The following CD86 variants were observed in gnomAD, a reference collection of about 807,000 sequenced individuals.
CD86 encodes the protein T-lymphocyte activation antigen CD86.
In CD86, 11 loss-of-function variants were observed where a neutral mutation model predicts 32.1. The observed-to-expected ratio is 0.34, with a 90% CI of 0.22 to 0.57. The LOEUF (loss-of-function observed/expected upper bound fraction) is 0.57, where lower values mean the gene tolerates loss of function less well. Ranked by LOEUF, CD86 falls within the 20% of genes least tolerant of loss-of-function variation. The pLI is 0.86. For synonymous variants in CD86, 137 were observed against 135.3 expected (o/e 1.01, Z -0.09); for missense variants, 359 against 398.4 (o/e 0.90, Z 0.84).
chr3:122,076,984 T>G (rs1193376926), intron 1 of CD86, among the ~76,000 whole-genome samples: 1 of 152,144 alleles, frequency 6.6e-6, no homozygotes, highest in Non-Finnish European at 1.5e-5. Context: ...TGGATGAGCC[T>G]CCCCAACCCT....
At chr3:122,094,912 A>C (rs1436802186) in intron 2 of CD86, among the ~76,000 whole-genome samples, 1 of 152,232 alleles carries the variant, frequency 6.6e-6, no homozygotes, top group Non-Finnish European at 1.5e-5. Flanking sequence ...CCACCTGCAG[A>C]GGCACTTCTA....
chr3:122,087,013 T>G (rs958402519), intron 1 of CD86, among the ~76,000 whole-genome samples: 1 of 152,198 alleles, frequency 6.6e-6, no homozygotes, highest in African/African-American at 2.4e-5. Flanking sequence ...TCTCTGAGAC[T>G]CCATTCCTTC....
intron 1 of CD86, chr3:122,077,748 A>G (rs2072574060): frequency 1.0e-6 from 1 of 985,042 alleles, no homozygotes; most frequent in Non-Finnish European, 1.2e-6. Flanking sequence ...GTACGTTTGT[A>G]GTCATTCTCA....
intron 1 of CD86, among the ~76,000 whole-genome samples, chr3:122,073,679 T>C (rs1009772671): frequency 1.3e-4 from 20 of 152,138 alleles, no homozygotes; most frequent in African/African-American, 4.6e-4. Flanking sequence ...TCCTCCTTTA[T>C]TGGCAATTGT....
At chr3:122,104,122 T>C (rs1254640222) in intron 3 of CD86, among the ~76,000 whole-genome samples, 2 of 152,168 alleles carry the variant, frequency 1.3e-5, no homozygotes, top group Non-Finnish European at 2.9e-5. Context: ...TGAACAAAGA[T>C]AATATGGCTA....
At chr3:122,064,137 A>C (rs969048366) in intron 1 of CD86, among the ~76,000 whole-genome samples, 3 of 152,106 alleles carry the variant, frequency 2.0e-5, no homozygotes, top group Non-Finnish European at 4.4e-5. Flanking sequence ...ATGCCTCTGC[A>C]CCATCCAGAC....
intron 1 of CD86, among the ~76,000 whole-genome samples, chr3:122,069,145 G>A (rs1181933368): frequency 6.6e-6 from 1 of 152,086 alleles, no homozygotes; most frequent in Non-Finnish European, 1.5e-5. Context: ...TTAAATCAGT[G>A]TAGGTCTCCT....
At chr3:122,056,308 T>G (rs951020314) in intron 1 of CD86, among the ~76,000 whole-genome samples, 2 of 152,202 alleles carry the variant, frequency 1.3e-5, no homozygotes, top group African/African-American at 2.4e-5. Context: ...TGGTGGCAGC[T>G]GGCGCCAGTC....
At chr3:122,074,213 C>T (rs1335016805) in intron 1 of CD86, among the ~76,000 whole-genome samples, 1 of 152,206 alleles carries the variant, frequency 6.6e-6, no homozygotes, top group East Asian at 1.9e-4. Flanking sequence ...TTGCTACCCC[C>T]TCGGGAGCAC....
Position 122,055,469 on chromosome 3 carries a change from GT to G in CD86, c.-20del. On this transcript the variant is annotated 5_prime_UTR_variant, in exon 1 of 7. Transcript: ENST00000330540. The stretch of plus-strand genomic sequence containing the variant: ...GAGTGGGGTCATTTCCAGATATTAG[GT>G]CACAGCAGAAGCAGCCAAAATGGAT... 1 of 1,613,352 alleles carries G rather than the reference GT, an allele frequency of 6.2e-7. No homozygotes were observed. Among genetic ancestry groups the G allele is most frequent in the Non-Finnish European group, 8.5e-7 (1 of 1,179,256 alleles).
At chr3:122,075,091 CAT>C (rs1462186442) in intron 1 of CD86, among the ~76,000 whole-genome samples, 2 of 150,110 alleles carry the variant, frequency 1.3e-5, no homozygotes, top group Non-Finnish European at 3.0e-5. Context: ...TATGACTTGA[CAT>C]GTGAAAAAAA....
intron 4 of CD86, among the ~76,000 whole-genome samples, chr3:122,107,302 C>T (rs1332828921): frequency 6.6e-6 from 1 of 152,150 alleles, no homozygotes; most frequent in Non-Finnish European, 1.5e-5. Context: ...AAATTTGAGA[C>T]AGTATCTGGG....
intron 5 of CD86, 92 bp downstream of exon 5, chr3:122,109,500 G>A (rs1379136406): frequency 1.4e-6 from 2 of 1,450,664 alleles, no homozygotes; most frequent in Non-Finnish European, 1.9e-6. Flanking sequence ...GCTGAGCCTA[G>A]ACTGGCAAAA....
intron 1 of CD86, among the ~76,000 whole-genome samples, chr3:122,081,703 T>C (rs1463749899): frequency 2.6e-5 from 4 of 152,220 alleles, no homozygotes; most frequent in Non-Finnish European, 5.9e-5. Context: ...TGGACTTAAT[T>C]ACTTAAAACC....
At chr3:122,099,388 G>T (rs1015367762) in intron 2 of CD86, among the ~76,000 whole-genome samples, 12 of 152,176 alleles carry the variant, frequency 7.9e-5, no homozygotes, top group African/African-American at 2.9e-4. Flanking sequence ...ACTCTTTCAG[G>T]GAGTTTGACT....
chr3:122,080,680 C>G (rs530658480), intron 1 of CD86, among the ~76,000 whole-genome samples: 1 of 152,106 alleles, frequency 6.6e-6, no homozygotes, highest in Admixed American at 6.5e-5. Flanking sequence ...AACAAGCATT[C>G]GGTCAGAAAA....
chr3:122,111,369 T>C (rs1035555045), intron 5 of CD86, among the ~76,000 whole-genome samples: 2 of 152,210 alleles, frequency 1.3e-5, no homozygotes, highest in African/African-American at 4.8e-5. Flanking sequence ...GACGTCCACC[T>C]CCTATACTCC....
chr3:122,102,382 G>A lies in CD86; in HGVS notation c.65-1130G>A, dbSNP rs533565844. 3.5e-4 allele frequency among the ~76,000 whole-genome samples: 44 copies of A among 126,842 alleles called. 1 individual carries two copies. Among genetic ancestry groups the A allele is most frequent in the Middle Eastern group, 9.3e-3 (2 of 214 alleles). 83.2% of individuals were successfully genotyped at this position (126,842 alleles called of 152,430 possible). A position where few individuals can be genotyped will look rare whatever the true frequency, so the allele number is the denominator to read the frequency against. On this transcript the variant is annotated intron_variant, in intron 2 of 6. Coordinates refer to ENST00000330540, the MANE Select transcript of CD86 (RefSeq NM_175862.5). ...AACAGCCTTCCCACTCTCCACCCCC[G>A]CACTTCTCACCCACCACTGCTTACT...
At position 122,119,785 on chromosome 3, in the gene CD86, T is replaced by C. The variant is rs554384650; in HGVS notation, c.*251T>C. Reference sequence around the variant, plus strand: ...CACTTATGGGCCAAGCCCAGCTTAATGGCTCATGACCTGGAAATAAAATTT... The same window carrying C: ...CACTTATGGGCCAAGCCCAGCTTAACGGCTCATGACCTGGAAATAAAATTT... On this transcript the variant is annotated 3_prime_UTR_variant, in exon 7 of 7. Transcript: ENST00000330540. 5.7e-6 allele frequency: 2 copies of C among 353,758 alleles called. No homozygotes were observed. Among genetic ancestry groups the C allele is most frequent in the Admixed American group, 4.6e-5 (1 of 21,726 alleles). 21.9% of individuals were successfully genotyped at this position (353,758 alleles called of 1,614,324 possible). A position where few individuals can be genotyped will look rare whatever the true frequency, so the allele number is the denominator to read the frequency against.
Sources: allele counts gnomAD v4.1 joint callset (sites outside exome capture counted in the v4.1 genomes callset), GRCh38; gene constraint gnomAD v4.1.1; transcripts MANE v1.5; gene names NCBI Gene and HGNC (gene_info 2026-07-23, HGNC 2026-07-21).